Variants in TMEM117 observed in about 807,000 individuals in gnomAD.
The protein encoded by TMEM117 is transmembrane protein 117.
In TMEM117, 27 loss-of-function variants were observed where a neutral mutation model predicts 52.4. That is an observed-to-expected ratio of 0.51 (90% confidence interval 0.38 to 0.71). TMEM117 has a LOEUF of 0.71. Among genes scored for constraint, TMEM117 ranks in the 30% least tolerant of loss-of-function variants. The probability of loss-of-function intolerance (pLI) is 0.00; values close to 1 mark genes in which losing one functional copy is unlikely to be tolerated. For missense variants in TMEM117, 556 were observed against 630.5 expected (o/e 0.88, Z 1.26); for synonymous variants, 215 against 206.3 (o/e 1.04, Z -0.36).
At chr12:43,946,568 C>A (rs1945137525) in intron 3 of TMEM117, among the ~76,000 whole-genome samples, 1 of 151,974 alleles carries the variant, frequency 6.6e-6, no homozygotes, top group Non-Finnish European at 1.5e-5. Context: ...AACATTTACA[C>A]CAGGCATGAA....
chr12:44,087,939 A>G (rs1947599867), intron 3 of TMEM117, among the ~76,000 whole-genome samples: 1 of 152,234 alleles, frequency 6.6e-6, no homozygotes, highest in Admixed American at 6.5e-5. Context: ...AAACTTTTTG[A>G]TATCAGAAGT....
chr12:44,398,091 T>TG, the TMEM117 span, among the ~76,000 whole-genome samples: 9,422 of 146,380 alleles, frequency 0.064, 941 homozygotes, highest in African/African-American at 0.23. Context: ...GTTTTTTTTT[T>TG]TTGTTTGTTT....
the TMEM117 span, chr12:43,795,836 C>G: frequency 2.9e-6 from 4 of 1,369,070 alleles, no homozygotes; most frequent in Non-Finnish European, 4.1e-6. Flanking sequence ...TGAATGCTCA[C>G]AAATAATACC....
chr12:44,103,321 A>G (rs1037094323), intron 3 of TMEM117, among the ~76,000 whole-genome samples: 3 of 151,716 alleles, frequency 2.0e-5, no homozygotes, highest in Non-Finnish European at 1.5e-5. Flanking sequence ...TGGTATTGTA[A>G]TGAAGTCTGA....
chr12:43,812,742 A>C, the TMEM117 span, among the ~76,000 whole-genome samples: 7 of 151,876 alleles, frequency 4.6e-5, no homozygotes, highest in Non-Finnish European at 7.4e-5. Flanking sequence ...GCGGTGGCTC[A>C]TGCCTGTAAT....
chr12:44,004,981 C>A (rs1343124754), intron 3 of TMEM117, among the ~76,000 whole-genome samples: 1 of 152,088 alleles, frequency 6.6e-6, no homozygotes, highest in Non-Finnish European at 1.5e-5. Flanking sequence ...TGCTTAAAAG[C>A]CGGACAAGTA....
chr12:43,822,051 A>T, the TMEM117 span, among the ~76,000 whole-genome samples: 27 of 152,248 alleles, frequency 1.8e-4, no homozygotes, highest in African/African-American at 6.3e-4. Flanking sequence ...AGTTTTTATA[A>T]CTGTAAGAGG....
At chr12:44,027,816 T>C (rs1388498699) in intron 3 of TMEM117, among the ~76,000 whole-genome samples, 1 of 152,212 alleles carries the variant, frequency 6.6e-6, no homozygotes, top group Non-Finnish European at 1.5e-5. Flanking sequence ...TGAGTGTGAG[T>C]TCAGGCCTTT....
At chr12:44,017,116 G>A (rs887899197) in intron 3 of TMEM117, among the ~76,000 whole-genome samples, 5 of 151,976 alleles carry the variant, frequency 3.3e-5, no homozygotes, top group African/African-American at 1.2e-4. Flanking sequence ...GTGAGGTTGT[G>A]AAAAAATAAT....
intron 4 of TMEM117, among the ~76,000 whole-genome samples, chr12:44,187,554 A>G (rs996785390): frequency 5.9e-5 from 9 of 152,134 alleles, no homozygotes; most frequent in South Asian, 4.1e-4. Context: ...GGAAATTCAG[A>G]TTGAATAAGA....
At chr12:43,812,230 TTGACAC>T in the TMEM117 span, among the ~76,000 whole-genome samples, 6 of 152,240 alleles carry the variant, frequency 3.9e-5, no homozygotes, top group Middle Eastern at 3.2e-3. Flanking sequence ...AGGCCTAGAC[TTGACAC>T]TATTCTCTCT....
intron 5 of TMEM117, among the ~76,000 whole-genome samples, chr12:44,213,252 C>T (rs11608369): frequency 6.6e-6 from 1 of 152,126 alleles, no homozygotes; most frequent in African/African-American, 2.4e-5. Flanking sequence ...TTCTCTGACT[C>T]CAGAGCCCTA....
the TMEM117 span, among the ~76,000 whole-genome samples, chr12:44,397,039 A>T: frequency 6.6e-6 from 1 of 152,136 alleles, no homozygotes; most frequent in Non-Finnish European, 1.5e-5. Context: ...TAGAAAATTT[A>T]AAAAATCCAA....
chr12:44,332,285 G>A lies in TMEM117; in HGVS notation c.768+32546G>A, dbSNP rs553596774. 5.3e-5 allele frequency among the ~76,000 whole-genome samples: 8 copies of A among 152,146 alleles called. No individual in the cohort carries two copies. In the South Asian group the frequency reaches 1.7e-3, roughly 32 times the overall value. On this transcript the variant is annotated intron_variant, in intron 6 of 7. Coordinates refer to ENST00000266534, the MANE Select transcript of TMEM117 (RefSeq NM_032256.3). ...ATAGCTTTCCTTCTTCACTTTGTAA[G>A]AATGGAATAAGTTTGTGCAGAGCAT...
chr12:43,840,998 G>A (rs2137346548), intron 1 of TMEM117, among the ~76,000 whole-genome samples: 1 of 152,324 alleles, frequency 6.6e-6, no homozygotes, highest in Non-Finnish European at 1.5e-5. Context: ...CTAGAAAGTA[G>A]GGCTGAGAGG....
rs139426779 is a variant in TMEM117, at chr12:43,938,964, C to T, written c.278-5246C>T. Among the ~76,000 whole-genome samples, 1,204 of 151,092 alleles carry T rather than the reference C, an allele frequency of 8.0e-3. 16 individuals carry two copies. Among genetic ancestry groups the T allele is most frequent in the African/African-American group, 0.024 (974 of 41,042 alleles). ...GCAGTGAGCCGAGATTGCTCCATTG[C>T]ACTCCAGTCAGGGTGACAGAGTGAG... On this transcript the variant is annotated intron_variant, in intron 2 of 7. Transcript: ENST00000266534.
chr12:44,066,794 T>C (rs952587187), intron 3 of TMEM117, among the ~76,000 whole-genome samples: 4 of 152,252 alleles, frequency 2.6e-5, no homozygotes, highest in Non-Finnish European at 5.9e-5. Flanking sequence ...TTTCTGAAGG[T>C]TGAGGGAGCT....
intron 5 of TMEM117, among the ~76,000 whole-genome samples, chr12:44,220,104 A>G (rs977435806): frequency 6.6e-6 from 1 of 152,172 alleles, no homozygotes; most frequent in African/African-American, 2.4e-5. Context: ...AAAAGATACT[A>G]ATGTAGGTAT....
chr12:44,364,977 C>T (rs1391323498), intron 6 of TMEM117, among the ~76,000 whole-genome samples: 1 of 151,918 alleles, frequency 6.6e-6, no homozygotes. Context: ...TTTTTCCATG[C>T]AGTGATATAG....
Sources: allele counts gnomAD v4.1 joint callset (sites outside exome capture counted in the v4.1 genomes callset), GRCh38; gene constraint gnomAD v4.1.1; transcripts MANE v1.5; gene names NCBI Gene and HGNC (gene_info 2026-07-23, HGNC 2026-07-21).